The following LRPAP1 variants were observed in gnomAD, a reference collection of about 807,000 sequenced individuals.
The protein encoded by LRPAP1 is LDL receptor related protein associated protein 1.
Under a neutral mutation model 39.9 loss-of-function variants are expected in LRPAP1, and 41 were observed. The ratio of observed to expected loss-of-function variants is 1.03; its 90% CI spans 0.80 to 1.33. The LOEUF is 1.33. Ranked by LOEUF, LRPAP1 falls within the 40% of genes most tolerant of loss-of-function variation. The probability of loss-of-function intolerance (pLI) is 0.00; values close to 1 mark genes in which losing one functional copy is unlikely to be tolerated. For missense variants in LRPAP1, 565 were observed against 482.3 expected, an observed-to-expected ratio of 1.17 and a Z score of -1.61; for synonymous variants, 263 against 212.7, an observed-to-expected ratio of 1.24 and a Z score of -2.06.
chr4:3,514,668 C>G, intron 7 of LRPAP1, 84 bp downstream of exon 7: 1 of 1,487,540 alleles, frequency 6.7e-7, no homozygotes, highest in Non-Finnish European at 9.0e-7. Context: ...ACCCCATCTA[C>G]AGGAAGCCCT....
chr4:3,510,088 C>T lies in LRPAP1; in HGVS notation c.*2886G>A, dbSNP rs1463268398. ...TTAAAAAGAAGAGTTGGAAAATGCA[C>T]ATCACCTCGATTCAGGGTTTATTAT... is the stretch of plus-strand genomic sequence containing the variant. On this transcript the variant is annotated 3_prime_UTR_variant, in exon 8 of 8. Coordinates refer to ENST00000650182, the MANE Select transcript of LRPAP1 (RefSeq NM_002337.4). 1 of 152,144 alleles carries T rather than the reference C, an allele frequency of 6.6e-6. No individual in the cohort carries two copies. The highest frequency in any genetic ancestry group is 1.5e-5 in the Non-Finnish European group (1 of 68,028). The allele number at this position is 152,144 out of a possible 1,614,324, so 9.4% of individuals were successfully genotyped here.
At chr4:3,529,818 GAC>G (rs1730195380) in intron 1 of LRPAP1, among the ~76,000 whole-genome samples, 1 of 152,180 alleles carries the variant, frequency 6.6e-6, no homozygotes, top group Non-Finnish European at 1.5e-5. Context: ...TATGCCTACT[GAC>G]ACACTACGCA....
rs928941752 is a variant in LRPAP1 at position 3,504,912 on chromosome 4, A to G, written c.*8062T>C. 2.6e-5 allele frequency among the ~76,000 whole-genome samples: 4 copies of G among 151,858 alleles called. No homozygotes were observed. Among genetic ancestry groups the G allele is most frequent in the African/African-American group, 9.7e-5 (4 of 41,346 alleles). ...CAGTGAGCCGAGATCGCACCAACGC[A>G]CTCCAGCCTGGGCGACAGAGCAAGA... On this transcript the variant is annotated 3_prime_UTR_variant, in exon 8 of 8. Transcript: ENST00000650182.
At position 3,508,941 on chromosome 4, in the gene LRPAP1, G is replaced by A. The variant is rs1729432153; in HGVS notation, c.*4033C>T. The A allele has an allele frequency of 6.6e-6, 1 of 152,146 alleles. No individual in the cohort carries two copies. Among genetic ancestry groups the A allele is most frequent in the Non-Finnish European group, 1.5e-5 (1 of 68,042 alleles). The allele number at this position is 152,146 out of a possible 1,614,324, so 9.4% of individuals were successfully genotyped here. A position where few individuals can be genotyped will look rare whatever the true frequency, so the allele number is the denominator to read the frequency against. ...ACTGACAAGGGGAAGCAAAGCCACT[G>A]TCAGACAGAGGACACGCGTGTGCAC... On this transcript the variant is annotated 3_prime_UTR_variant, in exon 8 of 8. Transcript: ENST00000650182.
At chr4:3,523,582 C>T (rs1000059294) in intron 2 of LRPAP1, among the ~76,000 whole-genome samples, 2 of 152,228 alleles carry the variant, frequency 1.3e-5, no homozygotes, top group Admixed American at 6.5e-5. Flanking sequence ...ATCTTTGCTG[C>T]ACTACTCGGC....
intron 5 of LRPAP1, 127 bp downstream of exon 5, chr4:3,517,907 G>A (rs111901738): frequency 0.031 from 37,797 of 1,220,058 alleles, 773 homozygotes; most frequent in Non-Finnish European, 0.034. Context: ...GACTGAGCGC[G>A]CCGAGGGTCT....
chr4:3,507,478 A>G lies in LRPAP1; in HGVS notation c.*5496T>C, dbSNP rs1429836543. 24 of 75,814 alleles carry G rather than the reference A, an allele frequency of 3.2e-4. No homozygotes were observed. The Admixed American group carries it at 4.2e-3, about 13-fold the overall frequency. 4.7% of individuals were successfully genotyped at this position (75,814 alleles called of 1,614,324 possible). ...TGTATTATTTACCTACATATCATAT[A>G]TTTATACATTATCATCTGCGAATTA... On this transcript the variant is annotated 3_prime_UTR_variant, in exon 8 of 8. Coordinates refer to ENST00000650182, the MANE Select transcript of LRPAP1 (RefSeq NM_002337.4).
chr4:3,514,938 G>T lies in LRPAP1; in HGVS notation c.835-10C>A. ...AGTGCTTGAGCTCCTCCTGGAACAA[G>T]GTTTCCATAGGTGAGTGTTCCCTTC... On this transcript the variant is annotated splice_polypyrimidine_tract_variant and intron_variant, in intron 6 of 7. Coordinates refer to ENST00000650182, the MANE Select transcript of LRPAP1 (RefSeq NM_002337.4). 1 of 1,612,648 alleles carries T rather than the reference G, an allele frequency of 6.2e-7. No individual in the cohort carries two copies. Among genetic ancestry groups the T allele is most frequent in the Non-Finnish European group, 8.5e-7 (1 of 1,179,152 alleles).
chr4:3,518,627 C>T (rs550872777), intron 4 of LRPAP1, among the ~76,000 whole-genome samples: 36 of 151,994 alleles, frequency 2.4e-4, no homozygotes, highest in Non-Finnish European at 4.7e-4. Flanking sequence ...TGGGGGCAGG[C>T]GCCGGTGAGA....
intron 1 of LRPAP1, among the ~76,000 whole-genome samples, chr4:3,527,862 C>G (rs529496751): frequency 2.5e-4 from 38 of 152,328 alleles, no homozygotes; most frequent in Middle Eastern, 3.4e-3. Flanking sequence ...CCCTAGGGTG[C>G]TGGGAGAATC....
At chr4:3,516,966 G>T (rs139645124) in intron 5 of LRPAP1, among the ~76,000 whole-genome samples, 1 of 152,246 alleles carries the variant, frequency 6.6e-6, no homozygotes, top group African/African-American at 2.4e-5. Flanking sequence ...ACAGCCCGAG[G>T]TGGGAAGAGA....
chr4:3,519,864 CT>C (rs1729851875), intron 3 of LRPAP1, among the ~76,000 whole-genome samples: 1 of 152,214 alleles, frequency 6.6e-6, no homozygotes, highest in Admixed American at 6.5e-5. Context: ...AGCTCCTTTA[CT>C]CAAAGAGCAA....
rs1425801038 is a variant in LRPAP1, at chr4:3,508,558, C to T, written c.*4416G>A. Reference sequence around the variant, plus strand: ...ATTCCTACACAGGAGGTCCTTAGCCCGGTATGAGCAAATCTCATCTGGCCA... The same window carrying T: ...ATTCCTACACAGGAGGTCCTTAGCCTGGTATGAGCAAATCTCATCTGGCCA... On this transcript the variant is annotated 3_prime_UTR_variant, in exon 8 of 8. Transcript: ENST00000650182. 3.9e-5 allele frequency: 6 copies of T among 152,140 alleles called. No homozygotes were observed. Among genetic ancestry groups the T allele is most frequent in the East Asian group, 3.9e-4 (2 of 5,192 alleles). 9.4% of individuals were successfully genotyped at this position (152,140 alleles called of 1,614,324 possible). A position where few individuals can be genotyped will look rare whatever the true frequency, so the allele number is the denominator to read the frequency against.
At chr4:3,522,860 A>T (rs1729962476) in intron 2 of LRPAP1, among the ~76,000 whole-genome samples, 1 of 152,068 alleles carries the variant, frequency 6.6e-6, no homozygotes, top group Non-Finnish European at 1.5e-5. Flanking sequence ...CTCAGGGTGG[A>T]CCTCAGCATG....
At chr4:3,523,108 T>C (rs1173892101) in intron 2 of LRPAP1, among the ~76,000 whole-genome samples, 1 of 152,066 alleles carries the variant, frequency 6.6e-6, no homozygotes, top group African/African-American at 2.4e-5. Context: ...ACAAGACAGC[T>C]CCACTTGGGC....
chr4:3,532,113 C>T (rs888851971), intron 1 of LRPAP1, 96 bp downstream of exon 1: 1 of 1,357,264 alleles, frequency 7.4e-7, no homozygotes, highest in Non-Finnish European at 1.0e-6. Flanking sequence ...CCCGGCTGCG[C>T]CCCCCTCCGC....
rs142163167 is a variant in LRPAP1 at position 3,514,749 on chromosome 4, C to T, written c.1011+3G>A. On this transcript the variant is annotated splice_donor_region_variant and intron_variant, in intron 7 of 7. Coordinates refer to ENST00000650182, the MANE Select transcript of LRPAP1 (RefSeq NM_002337.4). ...CCTCCCCGGTCCTGGAACCCGTGCG[C>T]ACCGTGTAGCCCAGCTCCTTGGTCC... The T allele has an allele frequency of 1.1e-4, 176 of 1,598,034 alleles. No homozygotes were observed. The East Asian group carries it at 3.8e-3, about 35-fold the overall frequency.
rs1729385268 is a variant in LRPAP1, at chr4:3,507,364, C to T, written c.*5610G>A. 6.6e-6 allele frequency: 1 copy of T among 152,196 alleles called. No homozygotes were observed. Among genetic ancestry groups the T allele is most frequent in the South Asian group, 2.1e-4 (1 of 4,824 alleles). The allele number at this position is 152,196 out of a possible 1,614,324, so 9.4% of individuals were successfully genotyped here. A position where few individuals can be genotyped will look rare whatever the true frequency, so the allele number is the denominator to read the frequency against. ...GGCACCAGGGAAGTGCAAGTTACTA[C>T]AAAACGAAAACAAAAGAATCAAATG... is the stretch of plus-strand genomic sequence containing the variant. On this transcript the variant is annotated 3_prime_UTR_variant, in exon 8 of 8. Coordinates refer to ENST00000650182, the MANE Select transcript of LRPAP1 (RefSeq NM_002337.4).
In LRPAP1 at chr4:3,514,847, T is replaced by C; in HGVS notation, c.916A>G (p.Arg306Gly). 6.2e-7 allele frequency: 1 copy of C among 1,613,824 alleles called. No homozygotes were observed. Among genetic ancestry groups the C allele is most frequent in the East Asian group, 2.2e-5 (1 of 44,872 alleles). ...CCGTCGCCCACGCTCTCTGCGTGCC[T>C]CAGCTTCTCGTGCGCAATCTCCAGC... ...KQLEIAHEKL[R>G]HAESVGDGER... Residue 306 changes from arginine (R) to glycine (G), a missense_variant, in exon 7 of 8, where the codon AGG (arginine) becomes GGG (glycine). Transcript: ENST00000650182.
Sources: gnomAD v4.1 joint callset for allele counts (sites outside exome capture counted in the v4.1 genomes callset) on GRCh38, gnomAD v4.1.1 for gene constraint, MANE v1.5 for transcripts, NCBI Gene and HGNC (gene_info 2026-07-23, HGNC 2026-07-21) for gene names.